ZNF423: variants seen among roughly 807,000 people sequenced by gnomAD.
ZNF423 encodes Ebf-associated zinc finger protein.
ZNF423 carries 12 observed loss-of-function variants against 95.8 expected under a neutral mutation model. That is an observed-to-expected ratio of 0.13 (90% CI 0.08 to 0.20). ZNF423 has a LOEUF of 0.20. Ranked by LOEUF, ZNF423 falls within the 10% of genes least tolerant of loss-of-function variation. The pLI, the probability that ZNF423 is intolerant of heterozygous loss-of-function variation, is 1.00. For missense variants in ZNF423, 1,316 were observed against 1,737.1 expected, an observed-to-expected ratio of 0.76 and a Z score of 4.31; for synonymous variants, 749 against 711.9, an observed-to-expected ratio of 1.05 and a Z score of -0.83.
At chr16:49,689,281 A>C (rs1169898943) in intron 3 of ZNF423, among the ~76,000 whole-genome samples, 1 of 408 alleles carries the variant, frequency 2.5e-3, no homozygotes, top group Non-Finnish European at 0.071. Context: ...ATCTCTACAA[A>C]AAAAAAAAAA....
Position 49,636,404 on chromosome 16 carries a change from A to G in ZNF423, c.2772T>C (p.Asp924=), listed in dbSNP as rs759552385. The G allele has an allele frequency of 6.2e-6, 10 of 1,613,144 alleles. 1 individual carries two copies. In the South Asian group the frequency reaches 1.1e-4, roughly 18 times the overall value. Residue 924 remains aspartate (D), a synonymous_variant, in exon 4 of 8, where the codon GAT becomes GAC. Coordinates refer to ENST00000563137, the MANE Select transcript of ZNF423 (RefSeq NM_001379286.1). This position sits in a 1 kb window ranked among gnomAD's most constrained non-coding sequence, Gnocchi z 8.6. ...ACTCAGCCTTCTTGCGTGAGCCATCATCCTCGCCCGGCCGGATATTGTGGT... is the reference window on the plus strand; with the variant it reads ...ACTCAGCCTTCTTGCGTGAGCCATCGTCCTCGCCCGGCCGGATATTGTGGT... ...LRDHNIRPGE[D]DGSRKKAEFI... is the part of the protein sequence containing the mutation.
In ZNF423 at chr16:49,637,865, C is replaced by A; in HGVS notation, c.1311G>T (p.Leu437=). 1 of 1,614,180 alleles carries A rather than the reference C, an allele frequency of 6.2e-7. No homozygotes were observed. The highest frequency in any genetic ancestry group is 1.1e-5 in the South Asian group (1 of 91,090). Residue 437 remains leucine (L), a synonymous_variant, in exon 4 of 8, where the codon CTG becomes CTT. Transcript: ENST00000563137. This position sits in a 1 kb window ranked among gnomAD's most constrained non-coding sequence, Gnocchi z 5.6. The part of the protein sequence containing the change: ...FNSLAVLEIH[L]KTIHADKPQQ... ...GGGGCTTGTCCGCGTGGATGGTCTT[C>A]AGGTGGATCTCCAGCACGGCCAGGC... is the stretch of plus-strand genomic sequence containing the variant.
chr16:49,848,535 T>C (rs2035269307), intron 1 of ZNF423, among the ~76,000 whole-genome samples: 1 of 152,174 alleles, frequency 6.6e-6, no homozygotes, highest in East Asian at 1.9e-4. Flanking sequence ...CGGCCCCTGG[T>C]CCCTGCTCCA....
chr16:49,585,528 G>A (rs1028449781), intron 5 of ZNF423, among the ~76,000 whole-genome samples: 2 of 152,228 alleles, frequency 1.3e-5, no homozygotes, highest in Non-Finnish European at 2.9e-5. Flanking sequence ...TGTGTGAGAT[G>A]CATACTGCCT....
chr16:49,731,412 G>C, intron 2 of ZNF423: 1 of 981,312 alleles, frequency 1.0e-6, no homozygotes, highest in Non-Finnish European at 1.2e-6. Context: ...CACACAACAG[G>C]CCTCCCAGGG....
chr16:49,535,035 G>C (rs1459613536), intron 5 of ZNF423, among the ~76,000 whole-genome samples: 1 of 152,170 alleles, frequency 6.6e-6, no homozygotes, highest in African/African-American at 2.4e-5. Context: ...ATGAAGGTCA[G>C]AGCAGGGCCT....
chr16:49,597,339 G>T (rs1180337128), intron 5 of ZNF423, among the ~76,000 whole-genome samples: 1 of 152,030 alleles, frequency 6.6e-6, no homozygotes, highest in Non-Finnish European at 1.5e-5. Flanking sequence ...ACTGAAATGG[G>T]GTGGGTCTAC....
At chr16:49,858,243 C>A (rs562553713), upstream of ZNF423, among the ~76,000 whole-genome samples, 2 of 149,136 alleles carry the variant, frequency 1.3e-5, no homozygotes, top group South Asian at 4.2e-4. This position sits in a 1 kb window ranked among gnomAD's most constrained non-coding sequence, Gnocchi z 4.3. Context: ...GGCCGGGCCG[C>A]GGCGCCCGCC....
chr16:49,526,314 T>C (rs996222463), intron 5 of ZNF423, among the ~76,000 whole-genome samples: 6 of 152,214 alleles, frequency 3.9e-5, no homozygotes, highest in African/African-American at 1.2e-4. Context: ...CAGTGGATGA[T>C]GGACAACAGG....
intron 1 of ZNF423, among the ~76,000 whole-genome samples, chr16:49,825,863 C>A (rs148411906): frequency 4.6e-5 from 7 of 152,256 alleles, no homozygotes; most frequent in African/African-American, 1.7e-4. Context: ...AGGCCCTTTC[C>A]GAGGGACCAA....
intron 3 of ZNF423, among the ~76,000 whole-genome samples, chr16:49,691,931 C>T (rs1211297288): frequency 6.6e-6 from 1 of 151,578 alleles, no homozygotes; most frequent in Non-Finnish European, 1.5e-5. Flanking sequence ...CATTTCTTTT[C>T]TTATTTTGTT....
chr16:49,683,513 G>A (rs964324326), intron 3 of ZNF423, among the ~76,000 whole-genome samples: 13 of 152,302 alleles, frequency 8.5e-5, no homozygotes, highest in African/African-American at 1.2e-4. Context: ...ACTCAGAGCC[G>A]CTTAGTGGTA....
intron 3 of ZNF423, among the ~76,000 whole-genome samples, chr16:49,652,796 T>C (rs1163636486): frequency 2.6e-5 from 4 of 152,208 alleles, no homozygotes; most frequent in Non-Finnish European, 4.4e-5. Context: ...TCTAATTACA[T>C]GTAAAGTGTA....
At chr16:49,814,304 GACATGTCCT>G (rs1567355259) in intron 1 of ZNF423, among the ~76,000 whole-genome samples, 1 of 152,036 alleles carries the variant, frequency 6.6e-6, no homozygotes, top group African/African-American at 2.4e-5. Flanking sequence ...TGACATCCCC[GACATGTCCT>G]GTGCCCAGGA....
intron 1 of ZNF423, among the ~76,000 whole-genome samples, chr16:49,814,886 C>A (rs981026316): frequency 6.6e-6 from 1 of 152,084 alleles, no homozygotes; most frequent in Non-Finnish European, 1.5e-5. Context: ...AAGACGGAGG[C>A]GACAGGAGGC....
chr16:49,806,063 T>A (rs1053816647), intron 1 of ZNF423, among the ~76,000 whole-genome samples: 1 of 152,282 alleles, frequency 6.6e-6, no homozygotes, highest in Non-Finnish European at 1.5e-5. Context: ...TTTCATTTCA[T>A]ACAGTCATCT....
chr16:49,549,578 C>T (rs1969562568), intron 5 of ZNF423, among the ~76,000 whole-genome samples: 1 of 152,168 alleles, frequency 6.6e-6, no homozygotes, highest in Admixed American at 6.5e-5. Flanking sequence ...ACACCTCCTT[C>T]CCTAGGTAGA....
At chr16:49,686,709 C>T (rs562648739) in intron 3 of ZNF423, among the ~76,000 whole-genome samples, 1 of 85,734 alleles carries the variant, frequency 1.2e-5, no homozygotes, top group East Asian at 2.9e-4. Context: ...CAGACCTCTT[C>T]TTCTCATCTC....
chr16:49,559,856 C>A (rs936412516), intron 5 of ZNF423, among the ~76,000 whole-genome samples: 21 of 152,130 alleles, frequency 1.4e-4, no homozygotes, highest in African/African-American at 5.1e-4. Flanking sequence ...TCAAGAAAGC[C>A]CACAGATGTC....
Sources: allele counts gnomAD v4.1 joint callset (sites outside exome capture counted in the v4.1 genomes callset), GRCh38; gene constraint gnomAD v4.1.1; non-coding constraint Gnocchi (gnomAD v3.1); transcripts MANE v1.5; gene names NCBI Gene and HGNC (gene_info 2026-07-23, HGNC 2026-07-21).